EVC2: variants seen among roughly 807,000 people sequenced by gnomAD.
EVC2 encodes EvC ciliary complex subunit 2.
A neutral mutation model predicts 149.3 loss-of-function variants in EVC2; 148 were observed. The observed-to-expected ratio is 0.99, with a 90% confidence interval of 0.87 to 1.14. The LOEUF (loss-of-function observed/expected upper bound fraction) is 1.14, where lower values mean the gene tolerates loss of function less well. EVC2 is among the 50% of genes most tolerant of loss of function. EVC2 has a pLI of 0.00. For missense variants in EVC2, 1,854 were observed against 1,627.3 expected, an observed-to-expected ratio of 1.14 and a Z score of -2.40; for synonymous variants, 776 against 649.9, an observed-to-expected ratio of 1.19 and a Z score of -2.95.
Position 5,544,691 on chromosome 4 carries a change from T to C in EVC2, c.3420-1479A>G, listed in dbSNP as rs190940599. On this transcript the variant is annotated intron_variant and NMD_transcript_variant, in intron 21 of 22. Coordinates refer to the EVC2 transcript ENST00000475313. ...ATGTTCACTTTGTAAACTCCAAAAATAGAATCACAGAGAACTAAACAGAGA... is the reference window on the plus strand; with the variant it reads ...ATGTTCACTTTGTAAACTCCAAAAACAGAATCACAGAGAACTAAACAGAGA... 6.1e-3 allele frequency among the ~76,000 whole-genome samples: 936 copies of C among 152,204 alleles called. 10 individuals are homozygous for C. Among genetic ancestry groups the C allele is most frequent in the South Asian group, 0.012 (59 of 4,800 alleles).
At chr4:5,605,224 C>T (rs185349801) in intron 16 of EVC2, among the ~76,000 whole-genome samples, 1 of 152,312 alleles carries the variant, frequency 6.6e-6, no homozygotes, top group East Asian at 1.9e-4. Context: ...ACGAGTTCTA[C>T]TCATGCACAT....
At chr4:5,643,422 C>T (rs1293722773) in intron 9 of EVC2, among the ~76,000 whole-genome samples, 1 of 152,200 alleles carries the variant, frequency 6.6e-6, no homozygotes, top group Non-Finnish European at 1.5e-5. Context: ...TTGTCCAACT[C>T]AGCATATTAC....
chr4:5,562,718 T>C lies in EVC2; in HGVS notation c.*130A>G. On this transcript the variant is annotated 3_prime_UTR_variant, in exon 22 of 22. Coordinates refer to ENST00000344408, the MANE Select transcript of EVC2 (RefSeq NM_147127.5). This position sits in a 1 kb window ranked among gnomAD's most constrained non-coding sequence, Gnocchi z 4.3. ...CGAGTCCCTGCAAGTTGGCATGCGC[T>C]ACGGGGTCTGTGCCTTCTGCATGTG... is the stretch of plus-strand genomic sequence containing the variant. 1.3e-6 allele frequency: 2 copies of C among 1,574,820 alleles called. No individual in the cohort carries two copies. The highest frequency in any genetic ancestry group is 2.3e-5 in the South Asian group (2 of 86,612).
At chr4:5,674,171 A>G (rs550985207) in intron 7 of EVC2, among the ~76,000 whole-genome samples, 8 of 152,316 alleles carry the variant, frequency 5.3e-5, no homozygotes, top group African/African-American at 1.9e-4. Flanking sequence ...CCCTGAGGGC[A>G]AAGAGACCCT....
At chr4:5,539,686 A>T (rs1039555978), downstream of EVC2, among the ~76,000 whole-genome samples, 2 of 152,186 alleles carry the variant, frequency 1.3e-5, no homozygotes, top group African/African-American at 4.8e-5. Flanking sequence ...CATGGAAAAA[A>T]CAGTCTTTTC....
chr4:5,641,808 A>G lies in EVC2; in HGVS notation c.1146-970T>C, dbSNP rs931073863. On this transcript the variant is annotated intron_variant, in intron 9 of 21. Coordinates refer to ENST00000344408, the MANE Select transcript of EVC2 (RefSeq NM_147127.5). ...TTTATTTTACCTTAAGTTCTGGGAT[A>G]CATGTGCTGAACGTGCAGGTTTGTT... Among the ~76,000 whole-genome samples, 4 of 152,350 alleles carry G rather than the reference A, an allele frequency of 2.6e-5. No homozygotes were observed. The East Asian group carries it at 7.7e-4, about 29-fold the overall frequency.
At chr4:5,556,714 C>A (rs544259350) in intron 21 of EVC2, among the ~76,000 whole-genome samples, 1 of 151,996 alleles carries the variant, frequency 6.6e-6, no homozygotes, top group South Asian at 2.1e-4. Flanking sequence ...AAAAAGAAAA[C>A]ATGAAAATTA....
chr4:5,625,839 G>C lies in EVC2; in HGVS notation c.1956C>G (p.Ile652Met). 1 of 1,613,984 alleles carries C rather than the reference G, an allele frequency of 6.2e-7. No homozygotes were observed. Among genetic ancestry groups the C allele is most frequent in the African/African-American group, 1.3e-5 (1 of 74,984 alleles). The change falls in exon 13 of 22, where the codon ATC (isoleucine) becomes ATG (methionine). Residue 652 changes from isoleucine to methionine, a missense_variant. Ile to Met is a conservative substitution (Grantham distance 10, BLOSUM62 1). Coordinates refer to ENST00000344408, the MANE Select transcript of EVC2 (RefSeq NM_147127.5). The surrounding 1 kb of genome is among the most constrained non-coding windows in gnomAD (Gnocchi z 4.0). ...LERAQTEVFS[I>M]KQKLDNDLKQ... ...TTAAGTCATTGTCCAACTTCTGCTT[G>C]ATTGAAAAGACTTCTGTCTGAGCCC...
intron 21 of EVC2, among the ~76,000 whole-genome samples, chr4:5,544,750 GA>G (rs1188431929): frequency 6.6e-6 from 1 of 152,178 alleles, no homozygotes; most frequent in Admixed American, 6.5e-5. Flanking sequence ...ATACTGTGGG[GA>G]AAACATGGAG....
intron 9 of EVC2, among the ~76,000 whole-genome samples, chr4:5,644,838 T>C (rs1264718477): frequency 1.3e-5 from 2 of 152,176 alleles, no homozygotes; most frequent in Non-Finnish European, 2.9e-5. Context: ...GGTCCATCCA[T>C]GTTGCTTCAA....
At position 5,650,452 on chromosome 4, in the gene EVC2, C is replaced by A. The variant is rs543795795; in HGVS notation, c.1146-9614G>T. Among the ~76,000 whole-genome samples the A allele has an allele frequency of 5.5e-3, 836 of 151,918 alleles. 6 individuals are homozygous for A. The highest frequency in any genetic ancestry group is 0.019 in the African/African-American group (798 of 41,454). ...CTTAGCTTCTAATATCAGCTTTACC[C>A]CTCAGGAACCACATGAGCTCAGATG... On this transcript the variant is annotated intron_variant, in intron 9 of 21. Transcript: ENST00000344408.
chr4:5,556,895 C>A (rs1254830826), intron 21 of EVC2, among the ~76,000 whole-genome samples: 1 of 141,474 alleles, frequency 7.1e-6, no homozygotes, highest in Non-Finnish European at 1.6e-5. Context: ...AGGAGATAAC[C>A]TAAATAAACC....
At chr4:5,566,561 G>A (rs913426729) in intron 20 of EVC2, among the ~76,000 whole-genome samples, 1 of 152,216 alleles carries the variant, frequency 6.6e-6, no homozygotes, top group Non-Finnish European at 1.5e-5. Context: ...CATAACTGAT[G>A]TAATGGCCGG....
chr4:5,686,935 AC>A lies in EVC2; in HGVS notation c.707-1457del, dbSNP rs1185890667. On this transcript the variant is annotated intron_variant, in intron 5 of 21. Coordinates refer to ENST00000344408, the MANE Select transcript of EVC2 (RefSeq NM_147127.5). The surrounding 1 kb of genome is among the most constrained non-coding windows in gnomAD (Gnocchi z 5.4). ...GTAGAGCTAAGCATGGGCATAAATA[AC>A]AAGAATGGAGCAGTAAGAATAAAAA... is the stretch of plus-strand genomic sequence containing the variant. 6.6e-6 allele frequency among the ~76,000 whole-genome samples: 1 copy of A among 152,166 alleles called. No homozygotes were observed. Among genetic ancestry groups the A allele is most frequent in the African/African-American group, 2.4e-5 (1 of 41,434 alleles).
intron 5 of EVC2, among the ~76,000 whole-genome samples, chr4:5,688,363 A>G (rs1720864105): frequency 6.6e-6 from 1 of 152,160 alleles, no homozygotes; most frequent in Non-Finnish European, 1.5e-5. Context: ...CACGGTGCAC[A>G]GGGAGCCACA....
downstream of EVC2, among the ~76,000 whole-genome samples, chr4:5,560,059 C>T (rs1721909331): frequency 6.6e-6 from 1 of 151,850 alleles, no homozygotes; most frequent in Non-Finnish European, 1.5e-5. This position sits in a 1 kb window ranked among gnomAD's most constrained non-coding sequence, Gnocchi z 4.1. Context: ...CTTGCATTTA[C>T]CAATTATTTA....
chr4:5,605,416 G>A (rs557627091), intron 16 of EVC2, among the ~76,000 whole-genome samples: 4 of 152,294 alleles, frequency 2.6e-5, no homozygotes, highest in South Asian at 2.1e-4. Flanking sequence ...CTCCACCCGT[G>A]ATGTGTGAGG....
At position 5,605,220 on chromosome 4, in the gene EVC2, T is replaced by C. The variant is rs971967810; in HGVS notation, c.2829+10202A>G. Among the ~76,000 whole-genome samples the C allele has an allele frequency of 8.5e-5, 13 of 152,338 alleles. No individual in the cohort carries two copies. In the East Asian group the frequency reaches 1.2e-3, roughly 14 times the overall value. On this transcript the variant is annotated intron_variant, in intron 16 of 21. Coordinates refer to ENST00000344408, the MANE Select transcript of EVC2 (RefSeq NM_147127.5). ...GGGGAGTCAGATGTTACACACGAGT[T>C]CTACTCATGCACATCACGCGCAGGA...
At chr4:5,597,057 A>T (rs1281766579) in intron 16 of EVC2, among the ~76,000 whole-genome samples, 1 of 152,222 alleles carries the variant, frequency 6.6e-6, no homozygotes, top group Non-Finnish European at 1.5e-5. Flanking sequence ...CAGGCTCTGA[A>T]ACTGTGGCAA....
Sources: gnomAD v4.1 joint callset for allele counts (sites outside exome capture counted in the v4.1 genomes callset) on GRCh38, gnomAD v4.1.1 for gene constraint, Gnocchi (gnomAD v3.1) non-coding constraint, MANE v1.5 for transcripts, NCBI Gene and HGNC (gene_info 2026-07-23, HGNC 2026-07-21) for gene names.